RAPGEF5: variants seen among roughly 807,000 people sequenced by gnomAD.
RAPGEF5 encodes the protein Rap guanine nucleotide exchange factor 5.
RAPGEF5 carries 65 observed loss-of-function variants against 125.2 expected under a neutral mutation model. The ratio of observed to expected loss-of-function variants is 0.52; its 90% CI spans 0.43 to 0.64. The LOEUF is 0.64. Ranked by LOEUF, RAPGEF5 falls within the 30% of genes least tolerant of loss-of-function variation. The pLI, the probability that RAPGEF5 is intolerant of heterozygous loss-of-function variation, is 0.00. For synonymous variants in RAPGEF5, 391 were observed against 385.9 expected (o/e 1.01, Z -0.16); for missense variants, 958 against 1,048.1 (o/e 0.91, Z 1.19).
chr7:22,212,067 C>T (rs975383743), intron 9 of RAPGEF5, among the ~76,000 whole-genome samples: 7 of 151,212 alleles, frequency 4.6e-5, no homozygotes, highest in African/African-American at 9.7e-5. Context: ...CCCGGATTCA[C>T]GCCATTCTCC....
chr7:22,248,653 C>T (rs188565755), intron 7 of RAPGEF5, among the ~76,000 whole-genome samples: 2 of 152,122 alleles, frequency 1.3e-5, no homozygotes, highest in South Asian at 2.1e-4. Context: ...TCCCCAGCAG[C>T]GCAGGGAAGC....
intron 5 of RAPGEF5, among the ~76,000 whole-genome samples, chr7:22,295,061 A>G (rs1048053292): frequency 2.0e-5 from 3 of 152,210 alleles, no homozygotes; most frequent in African/African-American, 7.2e-5. Flanking sequence ...GAAAGTTTGT[A>G]TGCTTTGATC....
rs76493470 is a variant in RAPGEF5, at chr7:22,174,554, T to C, written c.1205-7406A>G. 4.8e-4 allele frequency among the ~76,000 whole-genome samples: 73 copies of C among 152,318 alleles called. No individual in the cohort carries two copies. The East Asian group carries it at 0.014, about 29-fold the overall frequency. On this transcript the variant is annotated intron_variant, in intron 11 of 25. Transcript: ENST00000665637. ...CACTCACTTTTACTGCCTGTGGACA[T>C]GCAAGTTGGTAAGTCTTGGTCTACA... is the stretch of plus-strand genomic sequence containing the variant.
At chr7:22,290,183 G>C (rs140847783) in intron 6 of RAPGEF5, among the ~76,000 whole-genome samples, 51 of 152,304 alleles carry the variant, frequency 3.3e-4, no homozygotes, top group African/African-American at 1.1e-3. Context: ...GTACAGACCA[G>C]TTTCATCCTT....
chr7:22,146,762 T>G, intron 19 of RAPGEF5, 135 bp downstream of exon 19: 2 of 1,139,976 alleles, frequency 1.8e-6, no homozygotes, highest in Non-Finnish European at 2.4e-6. Context: ...AGTCTTTCAA[T>G]ATATTTCAAG....
At chr7:22,315,872 T>C (rs1031582970) in intron 2 of RAPGEF5, among the ~76,000 whole-genome samples, 3 of 152,124 alleles carry the variant, frequency 2.0e-5, no homozygotes, top group African/African-American at 4.8e-5. Context: ...ATATTGATAA[T>C]GCAAACATAC....
intron 9 of RAPGEF5, among the ~76,000 whole-genome samples, chr7:22,210,929 CA>C (rs1257107851): frequency 6.6e-6 from 1 of 151,704 alleles, no homozygotes; most frequent in East Asian, 1.9e-4. Flanking sequence ...CTTTTTGCTT[CA>C]AAAAGAGAGC....
chr7:22,252,592 G>A (rs1408827532), intron 7 of RAPGEF5, among the ~76,000 whole-genome samples: 1 of 152,178 alleles, frequency 6.6e-6, no homozygotes, highest in Non-Finnish European at 1.5e-5. Flanking sequence ...CAGGGTTAAA[G>A]GAATCTAACT....
intron 9 of RAPGEF5, among the ~76,000 whole-genome samples, chr7:22,208,812 G>T (rs7801397): frequency 0.3 from 45,023 of 152,038 alleles, 6,881 homozygotes; most frequent in Middle Eastern, 0.38. Flanking sequence ...CTTTTGCTAC[G>T]TTCTTCTCCA....
intron 9 of RAPGEF5, among the ~76,000 whole-genome samples, chr7:22,219,233 G>A (rs1274724717): frequency 6.6e-6 from 1 of 151,966 alleles, no homozygotes; most frequent in Non-Finnish European, 1.5e-5. Context: ...CAGCATGACG[G>A]CAGCACTCTC....
chr7:22,269,180 CAAAAAAAAAAA>C (rs34791723), intron 6 of RAPGEF5, among the ~76,000 whole-genome samples: 20 of 73,866 alleles, frequency 2.7e-4, no homozygotes, highest in Admixed American at 1.2e-3. Context: ...AAGTTTTTGA[CAAAAAAAAAAA>C]AAAAAAAAAG....
chr7:22,217,134 C>T (rs575281303), intron 9 of RAPGEF5, among the ~76,000 whole-genome samples: 38 of 152,208 alleles, frequency 2.5e-4, no homozygotes, highest in Admixed American at 7.9e-4. Context: ...AATTTTATCA[C>T]TGTCGACTTA....
intron 5 of RAPGEF5, among the ~76,000 whole-genome samples, chr7:22,305,294 C>T (rs1316060803): frequency 1.3e-5 from 2 of 152,202 alleles, no homozygotes; most frequent in African/African-American, 2.4e-5. Context: ...TCATTCTCCA[C>T]AATCAACCTT....
intron 6 of RAPGEF5, among the ~76,000 whole-genome samples, chr7:22,282,194 A>G (rs148241610): frequency 0.011 from 1,686 of 152,290 alleles, 26 homozygotes; most frequent in South Asian, 0.057. Context: ...TGTATTCACC[A>G]CAGAGAACCT....
chr7:22,138,006 TACACACACACACAC>T (rs57116603), intron 21 of RAPGEF5, among the ~76,000 whole-genome samples: 2 of 148,446 alleles, frequency 1.3e-5, no homozygotes, highest in Non-Finnish European at 3.0e-5. Context: ...GTTTGGAAAC[TACACACACACACAC>T]ACACACACAC....
At chr7:22,236,196 T>C (rs1786184371) in intron 7 of RAPGEF5, among the ~76,000 whole-genome samples, 1 of 152,160 alleles carries the variant, frequency 6.6e-6, no homozygotes, top group Non-Finnish European at 1.5e-5. Context: ...ATGCAAGCTT[T>C]CCCCAGGCTC....
At chr7:22,195,595 G>A (rs957474877) in intron 9 of RAPGEF5, among the ~76,000 whole-genome samples, 4 of 152,102 alleles carry the variant, frequency 2.6e-5, no homozygotes, top group African/African-American at 9.7e-5. Flanking sequence ...GGACGACAGT[G>A]GGACTCCCGT....
chr7:22,314,869 G>C (rs1000102113), intron 3 of RAPGEF5, among the ~76,000 whole-genome samples: 1 of 152,010 alleles, frequency 6.6e-6, no homozygotes, highest in African/African-American at 2.4e-5. Context: ...TTACCTACCT[G>C]TTTACTCTCA....
intron 5 of RAPGEF5, among the ~76,000 whole-genome samples, chr7:22,305,207 T>C (rs575960073): frequency 4.0e-4 from 61 of 152,334 alleles, no homozygotes; most frequent in African/African-American, 1.3e-3. Context: ...GAGATAATAA[T>C]AGTACCTGTC....
Sources: allele counts gnomAD v4.1 joint callset (sites outside exome capture counted in the v4.1 genomes callset), GRCh38; gene constraint gnomAD v4.1.1; transcripts MANE v1.5; gene names NCBI Gene and HGNC (gene_info 2026-07-23, HGNC 2026-07-21).